THSD7A: variants seen among roughly 807,000 people sequenced by gnomAD.
The protein encoded by THSD7A is thrombospondin type 1 domain containing 7A.
In THSD7A, 96 loss-of-function variants were observed where a neutral mutation model predicts 231.3. The observed-to-expected ratio is 0.41, with a 90% CI of 0.35 to 0.49. The LOEUF is 0.49. THSD7A is among the 20% of genes least tolerant of loss of function. THSD7A has a pLI of 0.05. For missense variants in THSD7A, 2,290 were observed against 2,070.2 expected (o/e 1.11, Z -2.06); for synonymous variants, 940 against 743.3 (o/e 1.26, Z -4.30).
chr7:11,401,689 G>A (rs1783408620), intron 23 of THSD7A, 106 bp downstream of exon 23: 2 of 1,061,170 alleles, frequency 1.9e-6, no homozygotes, highest in Non-Finnish European at 2.6e-6. Context: ...TGGGATTACA[G>A]GCGTGAGCCA....
intron 4 of THSD7A, among the ~76,000 whole-genome samples, chr7:11,544,264 C>A (rs376101518): frequency 2.6e-5 from 4 of 152,078 alleles, no homozygotes; most frequent in African/African-American, 7.2e-5. Flanking sequence ...ATCACTTGAA[C>A]CTGGGAGGCA....
intron 1 of THSD7A, among the ~76,000 whole-genome samples, chr7:11,691,953 T>C (rs1780245605): frequency 1.3e-5 from 2 of 151,456 alleles, no homozygotes; most frequent in Non-Finnish European, 3.0e-5. Flanking sequence ...AAAAATCACA[T>C]CCTATCTGTT....
intron 4 of THSD7A, among the ~76,000 whole-genome samples, chr7:11,576,469 G>A (rs1423049525): frequency 1.3e-5 from 2 of 152,116 alleles, no homozygotes; most frequent in South Asian, 2.1e-4. Context: ...CACACAGCAC[G>A]AATGCATATT....
chr7:11,787,317 T>C (rs191353607), intron 1 of THSD7A, among the ~76,000 whole-genome samples: 157 of 151,698 alleles, frequency 1.0e-3, no homozygotes, highest in Admixed American at 1.7e-3. Context: ...CTCTAGAAAA[T>C]AACATGGGAG....
chr7:11,554,540 C>T (rs1186769901), intron 4 of THSD7A, among the ~76,000 whole-genome samples: 3 of 151,896 alleles, frequency 2.0e-5, no homozygotes, highest in Non-Finnish European at 2.9e-5. Flanking sequence ...TGTTAAATAG[C>T]TTTTGCTGTA....
chr7:11,560,780 C>G (rs62434475), intron 4 of THSD7A, among the ~76,000 whole-genome samples: 2,632 of 146,578 alleles, frequency 0.018, 35 homozygotes, highest in Middle Eastern at 0.031. Flanking sequence ...TGCTCAACTA[C>G]GGGTGTGTTC....
chr7:11,453,563 G>C (rs749158557), intron 11 of THSD7A, among the ~76,000 whole-genome samples: 12 of 151,962 alleles, frequency 7.9e-5, no homozygotes, highest in Non-Finnish European at 1.5e-4. Flanking sequence ...TGGCAGGCAA[G>C]AAAACAGAGG....
intron 13 of THSD7A, among the ~76,000 whole-genome samples, chr7:11,435,506 C>A (rs978875524): frequency 6.6e-6 from 1 of 152,028 alleles, no homozygotes; most frequent in African/African-American, 2.4e-5. Flanking sequence ...GCCAATGATT[C>A]TTCAGTCATG....
intron 1 of THSD7A, among the ~76,000 whole-genome samples, chr7:11,752,865 G>A (rs540180376): frequency 6.6e-6 from 1 of 152,180 alleles, no homozygotes; most frequent in African/African-American, 2.4e-5. Flanking sequence ...GGTCAAGGCT[G>A]CAGTGATCCA....
rs923343768 is a variant in THSD7A, at chr7:11,373,721, C to G, written c.*2073G>C. ...GTCTTTTGTAATCTTTGCAAATACT[C>G]TAATGAACAGCAGGGGGAGTTCATA... On this transcript the variant is annotated 3_prime_UTR_variant, in exon 28 of 28. Coordinates refer to ENST00000423059, the MANE Select transcript of THSD7A (RefSeq NM_015204.3). The G allele has an allele frequency of 6.6e-6, 1 of 151,966 alleles. No homozygotes were observed. Among genetic ancestry groups the G allele is most frequent in the African/African-American group, 2.4e-5 (1 of 41,398 alleles). 9.4% of individuals were successfully genotyped at this position (151,966 alleles called of 1,614,324 possible).
rs189262044 is a variant in THSD7A, at chr7:11,459,181, C to A, written c.2605+1481G>T. 6.3e-4 allele frequency among the ~76,000 whole-genome samples: 95 copies of A among 151,988 alleles called. 1 individual carries two copies. In the East Asian group the frequency reaches 9.9e-3, roughly 16 times the overall value. On this transcript the variant is annotated intron_variant, in intron 11 of 27. Coordinates refer to ENST00000423059, the MANE Select transcript of THSD7A (RefSeq NM_015204.3). ...GAAAATTTGAATAATCCTAAAATAT[C>A]ATTTGGTCCAAACCCCTCTTTTTTT...
At chr7:11,703,390 A>C (rs1306008255) in intron 1 of THSD7A, among the ~76,000 whole-genome samples, 1 of 151,218 alleles carries the variant, frequency 6.6e-6, no homozygotes, top group East Asian at 2.0e-4. Flanking sequence ...CAGAGATTTT[A>C]TTTCAGATCC....
intron 1 of THSD7A, among the ~76,000 whole-genome samples, chr7:11,782,943 G>A (rs1783678503): frequency 6.6e-6 from 1 of 152,080 alleles, no homozygotes; most frequent in East Asian, 1.9e-4. Flanking sequence ...TGTGTTTTTT[G>A]TTTGTTTGTT....
intron 2 of THSD7A, among the ~76,000 whole-genome samples, chr7:11,614,059 A>C (rs1781024970): frequency 6.6e-6 from 1 of 152,206 alleles, no homozygotes; most frequent in Non-Finnish European, 1.5e-5. Context: ...TTTTCAGTTA[A>C]GGTGCCAACT....
intron 7 of THSD7A, among the ~76,000 whole-genome samples, chr7:11,475,114 A>G (rs1174660515): frequency 2.0e-5 from 3 of 152,198 alleles, no homozygotes; most frequent in Non-Finnish European, 4.4e-5. Context: ...TGTAGAGTTC[A>G]CATCAGAAAG....
intron 1 of THSD7A, among the ~76,000 whole-genome samples, chr7:11,794,966 C>T (rs1349350447): frequency 3.3e-5 from 5 of 152,080 alleles, no homozygotes; most frequent in Non-Finnish European, 7.4e-5. Context: ...TTTATAAATA[C>T]TATCATTGGC....
At chr7:11,478,595 G>C (rs1786291604) in intron 7 of THSD7A, among the ~76,000 whole-genome samples, 1 of 151,750 alleles carries the variant, frequency 6.6e-6, no homozygotes, top group South Asian at 2.1e-4. Context: ...GTGAAAGAAA[G>C]GAAAAGGAAA....
chr7:11,737,897 T>C (rs1394058714), intron 1 of THSD7A, among the ~76,000 whole-genome samples: 5 of 152,020 alleles, frequency 3.3e-5, no homozygotes, highest in Admixed American at 2.6e-4. Context: ...TATTTAGTCA[T>C]AAATGAACAA....
At chr7:11,450,912 T>G (rs1184089727) in intron 11 of THSD7A, among the ~76,000 whole-genome samples, 1 of 152,026 alleles carries the variant, frequency 6.6e-6, no homozygotes, top group Non-Finnish European at 1.5e-5. Context: ...GATGATTATT[T>G]TAAAGTAAAA....
Sources: allele counts gnomAD v4.1 joint callset (sites outside exome capture counted in the v4.1 genomes callset), GRCh38; gene constraint gnomAD v4.1.1; transcripts MANE v1.5; gene names NCBI Gene and HGNC (gene_info 2026-07-23, HGNC 2026-07-21).